The following RAPGEF6 variants were observed in gnomAD, a reference collection of about 807,000 sequenced individuals.
RAPGEF6 encodes the protein PDZ domain containing guanine nucleotide exchange factor (GEF) 2.
RAPGEF6 carries 56 observed loss-of-function variants against 171.4 expected under a neutral mutation model. That is an observed-to-expected ratio of 0.33 (90% CI 0.26 to 0.41). The LOEUF is 0.41. RAPGEF6 is among the 10% of genes least tolerant of loss of function. The pLI, the probability that RAPGEF6 is intolerant of heterozygous loss-of-function variation, is 1.00. For synonymous variants in RAPGEF6, 692 were observed against 650.1 expected (o/e 1.06, Z -0.98); for missense variants, 1,674 against 1,921.4 (o/e 0.87, Z 2.41).
At chr5:131,524,991 T>C (rs754041216) in intron 6 of RAPGEF6, among the ~76,000 whole-genome samples, 5 of 152,136 alleles carry the variant, frequency 3.3e-5, no homozygotes, top group Non-Finnish European at 5.9e-5. Flanking sequence ...CTGTACCCCA[T>C]AAATACATGC....
chr5:131,462,833 G>A (rs758802346), intron 18 of RAPGEF6, among the ~76,000 whole-genome samples: 9 of 151,922 alleles, frequency 5.9e-5, no homozygotes, highest in Non-Finnish European at 1.2e-4. Context: ...TTAAGCCTAA[G>A]TTTGTATCCA....
intron 14 of RAPGEF6, among the ~76,000 whole-genome samples, chr5:131,490,484 A>T (rs1338753597): frequency 6.6e-6 from 1 of 152,198 alleles, no homozygotes; most frequent in African/African-American, 2.4e-5. Context: ...ATTTTTAAAA[A>T]CATATCCCAA....
Position 131,546,473 on chromosome 5 carries a change from G to A in RAPGEF6, c.495+1574C>T, listed in dbSNP as rs564636892. Among the ~76,000 whole-genome samples the A allele has an allele frequency of 7.9e-5, 12 of 151,992 alleles. No homozygotes were observed. The South Asian group carries it at 1.2e-3, about 16-fold the overall frequency. On this transcript the variant is annotated intron_variant, in intron 6 of 27. Coordinates refer to ENST00000509018, the MANE Select transcript of RAPGEF6 (RefSeq NM_016340.6). The stretch of plus-strand genomic sequence containing the variant: ...CAAAAAATTAGCTGGGCGTGGTGGC[G>A]GGCGCCTGTAGTCCCAGCTACTAGG...
chr5:131,504,129 T>G (rs1757195998), intron 11 of RAPGEF6, among the ~76,000 whole-genome samples: 1 of 152,162 alleles, frequency 6.6e-6, no homozygotes, highest in Non-Finnish European at 1.5e-5. Context: ...ACTCTGATAT[T>G]AAATGGCAAT....
intron 1 of RAPGEF6, among the ~76,000 whole-genome samples, chr5:131,621,081 T>C (rs541000992): frequency 1.3e-5 from 2 of 152,296 alleles, no homozygotes; most frequent in Admixed American, 6.5e-5. Context: ...ACCATACGTA[T>C]CCTGTGGCCT....
At chr5:131,602,022 G>A (rs184954054) in intron 3 of RAPGEF6, among the ~76,000 whole-genome samples, 7 of 134,504 alleles carry the variant, frequency 5.2e-5, no homozygotes, top group East Asian at 2.1e-4. Context: ...GCGACAGAGC[G>A]AGACTCCGTC....
At position 131,471,643 on chromosome 5, in the gene RAPGEF6, T is replaced by A. The variant is rs534215289; in HGVS notation, c.2239+944A>T. On this transcript the variant is annotated intron_variant, in intron 17 of 27. Coordinates refer to ENST00000509018, the MANE Select transcript of RAPGEF6 (RefSeq NM_016340.6). ...AAACCATCTCAAATCCGTTAAGTGA[T>A]GGATATATAATTATTCAAAGTCGAA... is the stretch of plus-strand genomic sequence containing the variant. 7.9e-5 allele frequency among the ~76,000 whole-genome samples: 12 copies of A among 152,274 alleles called. No individual in the cohort carries two copies. The South Asian group carries it at 2.5e-3, about 32-fold the overall frequency.
At chr5:131,496,895 C>T (rs541186345) in intron 12 of RAPGEF6, among the ~76,000 whole-genome samples, 1 of 149,566 alleles carries the variant, frequency 6.7e-6, no homozygotes, top group South Asian at 2.2e-4. Flanking sequence ...TATGGTAACC[C>T]TATGTTTAAC....
rs997410630 is a variant in RAPGEF6, at chr5:131,575,140, C to T, written c.282-13093G>A. Among the ~76,000 whole-genome samples the T allele has an allele frequency of 7.2e-5, 11 of 152,142 alleles. 1 individual carries two copies. Among genetic ancestry groups the T allele is most frequent in the Admixed American group, 5.9e-4 (9 of 15,278 alleles). ...CTCAAAGATGCTTTCTTCACTATTCCTTTGCACCCCTCATTCCAACCTCTT... is the reference window on the plus strand; with the variant it reads ...CTCAAAGATGCTTTCTTCACTATTCTTTTGCACCCCTCATTCCAACCTCTT... On this transcript the variant is annotated intron_variant, in intron 4 of 27. Transcript: ENST00000509018.
chr5:131,623,217 C>T (rs959166274), intron 1 of RAPGEF6, among the ~76,000 whole-genome samples: 61 of 152,122 alleles, frequency 4.0e-4, no homozygotes, highest in African/African-American at 1.5e-3. Flanking sequence ...GTGATGTTCC[C>T]TGCAAATGTG....
chr5:131,471,780 A>G (rs1754757983), intron 17 of RAPGEF6, among the ~76,000 whole-genome samples: 1 of 152,238 alleles, frequency 6.6e-6, no homozygotes, highest in Non-Finnish European at 1.5e-5. Context: ...TGGAAGTCCA[A>G]ACAACAATGA....
At chr5:131,609,287 C>T (rs905476861) in intron 1 of RAPGEF6, among the ~76,000 whole-genome samples, 4 of 152,112 alleles carry the variant, frequency 2.6e-5, no homozygotes, top group African/African-American at 7.2e-5. Context: ...AAGACAGTGG[C>T]CCAAGGTGAA....
chr5:131,501,721 C>T (rs1284363086), intron 11 of RAPGEF6, among the ~76,000 whole-genome samples: 2 of 151,804 alleles, frequency 1.3e-5, no homozygotes, highest in East Asian at 3.9e-4. Flanking sequence ...AAATAATATA[C>T]AGAGTATAAC....
chr5:131,612,594 AT>A (rs1764999228), intron 1 of RAPGEF6, among the ~76,000 whole-genome samples: 2 of 152,132 alleles, frequency 1.3e-5, no homozygotes, highest in African/African-American at 2.4e-5. Flanking sequence ...CACTCACAAA[AT>A]GTCTATCCTG....
intron 17 of RAPGEF6, among the ~76,000 whole-genome samples, chr5:131,471,741 C>T (rs545230844): frequency 1.3e-4 from 20 of 148,636 alleles, no homozygotes; most frequent in African/African-American, 4.5e-4. Context: ...TGAATAGACG[C>T]AAAAAAAAAA....
rs889848563 is a variant in RAPGEF6 at position 131,434,613 on chromosome 5, C to A, written c.3746-955G>T. ...GTTTCCTTTTTCTTCACCAACCTTG[C>A]AGAATATTAAACAGCTGAGTGGATA... On this transcript the variant is annotated intron_variant, in intron 24 of 27. Transcript: ENST00000509018. 2.0e-5 allele frequency among the ~76,000 whole-genome samples: 3 copies of A among 152,226 alleles called. No individual in the cohort carries two copies. The East Asian group carries it at 5.8e-4, about 29-fold the overall frequency.
chr5:131,449,930 T>C, intron 21 of RAPGEF6: 4 of 1,318,028 alleles, frequency 3.0e-6, no homozygotes, highest in Admixed American at 2.0e-5. Flanking sequence ...ATAGAATTCA[T>C]GCTATTTTAT....
chr5:131,599,316 G>A (rs1262008091), intron 3 of RAPGEF6, among the ~76,000 whole-genome samples: 1 of 152,078 alleles, frequency 6.6e-6, no homozygotes, highest in Non-Finnish European at 1.5e-5. Flanking sequence ...GACAGAGTGA[G>A]ACTCTGTCTC....
At chr5:131,534,764 CT>C (rs1759650143) in intron 6 of RAPGEF6, among the ~76,000 whole-genome samples, 1 of 151,904 alleles carries the variant, frequency 6.6e-6, no homozygotes, top group South Asian at 2.1e-4. Context: ...CAAACTTTCA[CT>C]TAAGATAAAA....
Sources: allele counts gnomAD v4.1 joint callset (sites outside exome capture counted in the v4.1 genomes callset), GRCh38; gene constraint gnomAD v4.1.1; transcripts MANE v1.5; gene names NCBI Gene and HGNC (gene_info 2026-07-23, HGNC 2026-07-21).